NFIL3: variants seen among roughly 807,000 people sequenced by gnomAD.
NFIL3 encodes nuclear factor, interleukin 3 regulated, also known as nuclear factor interleukin-3-regulated protein.
In NFIL3, 5 loss-of-function variants were observed where a neutral mutation model predicts 10.0. The ratio of observed to expected loss-of-function variants is 0.50; its 90% CI spans 0.26 to 1.06. The LOEUF is 1.06. Among genes scored for constraint, NFIL3 ranks in the 50% least tolerant of loss-of-function variants. The probability of loss-of-function intolerance (pLI) is 0.13; values close to 1 mark genes in which losing one functional copy is unlikely to be tolerated. For missense variants in NFIL3, 436 were observed against 547.6 expected, an observed-to-expected ratio of 0.80 and a Z score of 2.03; for synonymous variants, 202 against 206.5, an observed-to-expected ratio of 0.98 and a Z score of 0.19.
rs756904118 is a variant in NFIL3, at chr9:91,409,524, C to G, written c.1211G>C (p.Ser404Thr). The G allele has an allele frequency of 1.2e-6, 2 of 1,613,880 alleles. No homozygotes were observed. The highest frequency in any genetic ancestry group is 2.2e-5 in the South Asian group (2 of 91,006). ...KSEHWHQKEL[S>T]GKTQNSFKTG... ...TTTGAAACTATTCTGAGTTTTGCCACTCAGTTCTTTTTGATGCCAGTGCTC... is the reference window on the plus strand; with the variant it reads ...TTTGAAACTATTCTGAGTTTTGCCAGTCAGTTCTTTTTGATGCCAGTGCTC... The change falls in exon 2 of 2, where the codon AGT becomes ACT. Residue 404 changes from serine (S) to threonine (T), a missense_variant. By Grantham distance (58) the Ser-to-Thr change is moderately conservative (BLOSUM62 1). This residue lies in a region of NFIL3 where 338 missense variants were observed against 399.9 expected (regional missense o/e 0.85). Transcript: ENST00000297689.
chr9:91,464,034 T>C, the NFIL3 span, among the ~76,000 whole-genome samples: 1 of 152,126 alleles, frequency 6.6e-6, no homozygotes, highest in Non-Finnish European at 1.5e-5. Flanking sequence ...TATTTGCATC[T>C]TTATATTTTA....
At chr9:91,471,929 T>A in the NFIL3 span, among the ~76,000 whole-genome samples, 2 of 152,234 alleles carry the variant, frequency 1.3e-5, no homozygotes, top group South Asian at 4.1e-4. Context: ...CATTTGCTTG[T>A]CTGTAACAGA....
chr9:91,421,236 G>GCCGGGGTC (rs914699068), intron 1 of NFIL3, among the ~76,000 whole-genome samples: 1 of 138,672 alleles, frequency 7.2e-6, no homozygotes, highest in African/African-American at 2.5e-5. Flanking sequence ...CCGTGCGGGA[G>GCCGGGGTC]CCGGGGTCCC....
At chr9:91,462,580 G>A in the NFIL3 span, among the ~76,000 whole-genome samples, 1 of 151,900 alleles carries the variant, frequency 6.6e-6, no homozygotes, top group Non-Finnish European at 1.5e-5. Flanking sequence ...TTTATGCTTT[G>A]TTGAACTCAA....
At chr9:91,483,133 C>T in the NFIL3 span, among the ~76,000 whole-genome samples, 1 of 152,108 alleles carries the variant, frequency 6.6e-6, no homozygotes, top group Non-Finnish European at 1.5e-5. Flanking sequence ...GTTCCAAAGG[C>T]CATATAAGTC....
intron 1 of NFIL3, among the ~76,000 whole-genome samples, chr9:91,411,555 T>G (rs1405348209): frequency 2.0e-5 from 3 of 152,208 alleles, no homozygotes; most frequent in African/African-American, 7.2e-5. Context: ...ATCACATCCT[T>G]GACTGCCTGG....
At chr9:91,473,983 T>C in the NFIL3 span, among the ~76,000 whole-genome samples, 1 of 152,218 alleles carries the variant, frequency 6.6e-6, no homozygotes, top group Non-Finnish European at 1.5e-5. Flanking sequence ...CAGAACAATG[T>C]TGAATAGGAG....
the NFIL3 span, among the ~76,000 whole-genome samples, chr9:91,432,240 G>A: frequency 1.3e-5 from 2 of 152,192 alleles, no homozygotes; most frequent in Non-Finnish European, 2.9e-5. Flanking sequence ...ACAATGTTTA[G>A]TGGCATGATG....
chr9:91,432,876 A>G, the NFIL3 span, among the ~76,000 whole-genome samples: 1 of 152,228 alleles, frequency 6.6e-6, no homozygotes, highest in African/African-American at 2.4e-5. Context: ...ACTGCAGACT[A>G]GGAAAGAAAA....
upstream of NFIL3, among the ~76,000 whole-genome samples, chr9:91,428,209 T>C (rs774228): frequency 0.57 from 86,972 of 152,106 alleles, 29,040 homozygotes; most frequent in Non-Finnish European, 0.73. Context: ...TTTTTCTACC[T>C]TTGTTGACCT....
the NFIL3 span, among the ~76,000 whole-genome samples, chr9:91,459,136 T>C: frequency 1.3e-5 from 2 of 152,210 alleles, no homozygotes; most frequent in African/African-American, 4.8e-5. Flanking sequence ...TTAACTTCCC[T>C]ACTGCCCATG....
the NFIL3 span, among the ~76,000 whole-genome samples, chr9:91,477,613 C>G: frequency 6.6e-6 from 1 of 152,132 alleles, no homozygotes; most frequent in Admixed American, 6.5e-5. Flanking sequence ...AAAAATCAAT[C>G]GCTTTCCAAT....
chr9:91,424,227 G>C (rs1833836017), upstream of NFIL3, among the ~76,000 whole-genome samples: 1 of 152,042 alleles, frequency 6.6e-6, no homozygotes, highest in South Asian at 2.1e-4. Context: ...CCTCCCGGTC[G>C]CCGCGGTGGC....
the NFIL3 span, among the ~76,000 whole-genome samples, chr9:91,432,758 G>A: frequency 6.6e-6 from 1 of 152,136 alleles, no homozygotes; most frequent in Non-Finnish European, 1.5e-5. Flanking sequence ...GAAGGTCTTA[G>A]GGAGGTCTTT....
chr9:91,433,897 A>G, the NFIL3 span, among the ~76,000 whole-genome samples: 1 of 152,076 alleles, frequency 6.6e-6, no homozygotes, highest in East Asian at 1.9e-4. Context: ...ACAATAAGAA[A>G]AACTATCAAA....
At chr9:91,480,073 C>G in the NFIL3 span, among the ~76,000 whole-genome samples, 1 of 151,980 alleles carries the variant, frequency 6.6e-6, no homozygotes, top group South Asian at 2.1e-4. Context: ...TCGCTGGGAG[C>G]TGCAGACTGG....
chr9:91,469,176 T>C, the NFIL3 span, among the ~76,000 whole-genome samples: 2 of 152,202 alleles, frequency 1.3e-5, no homozygotes, highest in Non-Finnish European at 2.9e-5. Flanking sequence ...CATGGAATGT[T>C]CTATTTGTTT....
chr9:91,425,285 A>T (rs766977861), upstream of NFIL3, among the ~76,000 whole-genome samples: 4 of 152,236 alleles, frequency 2.6e-5, no homozygotes, highest in African/African-American at 2.4e-5. Context: ...TGAGCAGCAG[A>T]TCTATCTACT....
chr9:91,457,945 CATTTGTTCATGTGGTAG>C, the NFIL3 span, among the ~76,000 whole-genome samples: 1 of 151,514 alleles, frequency 6.6e-6, no homozygotes, highest in Non-Finnish European at 1.5e-5. Flanking sequence ...TTTTTCTTTT[CATTTGTTCATGTGGTAG>C]ATTGCATTGA....
Sources: gnomAD v4.1 joint callset for allele counts (sites outside exome capture counted in the v4.1 genomes callset) on GRCh38, gnomAD v4.1.1 for gene constraint, gnomAD v4.1.1 regional missense constraint, MANE v1.5 for transcripts, NCBI Gene and HGNC (gene_info 2026-07-23, HGNC 2026-07-21) for gene names.